Variants in RALGAPA2 observed in about 807,000 individuals in gnomAD.
RALGAPA2 encodes ral GTPase-activating protein subunit alpha-2.
A neutral mutation model predicts 230.4 loss-of-function variants in RALGAPA2; 139 were observed. That is an observed-to-expected ratio of 0.60 (90% CI 0.53 to 0.69). The LOEUF is 0.69. RALGAPA2 is among the 30% of genes least tolerant of loss of function. The pLI is 0.00. For synonymous variants in RALGAPA2, 847 were observed against 837.8 expected (o/e 1.01, Z -0.19); for missense variants, 2,163 against 2,276.0 (o/e 0.95, Z 1.01).
At chr20:20,452,068 T>C (rs548567429) in intron 37 of RALGAPA2, among the ~76,000 whole-genome samples, 10 of 152,360 alleles carry the variant, frequency 6.6e-5, no homozygotes, top group African/African-American at 2.4e-4. Flanking sequence ...TCTGACCGAT[T>C]TTCTAATAAC....
In RALGAPA2 at chr20:20,430,106, A is replaced by G. The variant is rs141670676; in HGVS notation, c.5496-17958T>C. On this transcript the variant is annotated intron_variant, in intron 37 of 39. Transcript: ENST00000202677. ...ACCTGCATCCCCTCATCTGTGAAAGAGGGGTTCAGGGCTGATCTGCAGGAC... is the reference window on the plus strand; with the variant it reads ...ACCTGCATCCCCTCATCTGTGAAAGGGGGGTTCAGGGCTGATCTGCAGGAC... Among the ~76,000 whole-genome samples the G allele has an allele frequency of 7.4e-3, 1,134 of 152,320 alleles. 11 individuals are homozygous for G. The highest frequency in any genetic ancestry group is 0.025 in the African/African-American group (1,053 of 41,560).
intron 17 of RALGAPA2, among the ~76,000 whole-genome samples, chr20:20,590,069 C>T (rs187128146): frequency 6.6e-5 from 10 of 151,388 alleles, no homozygotes; most frequent in South Asian, 2.1e-4. Context: ...CACTGTGCAA[C>T]GGCTAAATTA....
At chr20:20,619,144 T>C in intron 12 of RALGAPA2, 133 bp downstream of exon 12, 2 of 958,916 alleles carry the variant, frequency 2.1e-6, no homozygotes, top group Non-Finnish European at 2.8e-6. Flanking sequence ...ATTAAATTGC[T>C]GTTTATCGTT....
rs570882666 is a variant in RALGAPA2 at position 20,632,641 on chromosome 20, G to A, written c.1005+2777C>T. On this transcript the variant is annotated intron_variant, in intron 9 of 39. Coordinates refer to ENST00000202677, the MANE Select transcript of RALGAPA2 (RefSeq NM_020343.4). ...GTGATGTAAATTTGCCAAAGAGCATGACTGAGTTTCCTACACATAATTTCA... is the reference window on the plus strand; with the variant it reads ...GTGATGTAAATTTGCCAAAGAGCATAACTGAGTTTCCTACACATAATTTCA... Among the ~76,000 whole-genome samples the A allele has an allele frequency of 1.2e-4, 19 of 152,334 alleles. No homozygotes were observed. The South Asian group carries it at 3.3e-3, about 27-fold the overall frequency.
At chr20:20,642,442 C>T (rs1160040281) in intron 5 of RALGAPA2, among the ~76,000 whole-genome samples, 3 of 152,134 alleles carry the variant, frequency 2.0e-5, no homozygotes, top group Non-Finnish European at 4.4e-5. Context: ...AACTCCTGAC[C>T]TCAGGCAATT....
In RALGAPA2 at chr20:20,498,264, C is replaced by T. The variant is rs149038635; in HGVS notation, c.5209-2989G>A. Reference sequence around the variant, plus strand: ...GATGAGTCTCCTTCTGGAATGGAGCCGGTGTTTATGTTAGCTACTCCTTCA... The same window carrying T: ...GATGAGTCTCCTTCTGGAATGGAGCTGGTGTTTATGTTAGCTACTCCTTCA... On this transcript the variant is annotated intron_variant, in intron 35 of 39. Transcript: ENST00000202677. 2.8e-4 allele frequency among the ~76,000 whole-genome samples: 42 copies of T among 152,258 alleles called. No homozygotes were observed. The South Asian group carries it at 4.4e-3, about 16-fold the overall frequency.
intron 1 of RALGAPA2, among the ~76,000 whole-genome samples, chr20:20,694,300 G>C (rs887829250): frequency 1.3e-5 from 2 of 152,146 alleles, no homozygotes; most frequent in Non-Finnish European, 2.9e-5. Flanking sequence ...AAGTTGGTTT[G>C]TTTAAAAAGT....
In RALGAPA2 at chr20:20,439,101, C is replaced by T. The variant is rs2060677986; in HGVS notation, c.5496-26953G>A. ...TGGAAACGGAGACTAGGAGACGTGA[C>T]CTGGCTTGGCTCAAGTCACTCTCCC... On this transcript the variant is annotated intron_variant, in intron 37 of 39. Transcript: ENST00000202677. 2.0e-5 allele frequency among the ~76,000 whole-genome samples: 3 copies of T among 152,180 alleles called. No individual in the cohort carries two copies. In the South Asian group the frequency reaches 6.2e-4, roughly 32 times the overall value.
At chr20:20,469,884 G>A (rs1385972591) in intron 37 of RALGAPA2, among the ~76,000 whole-genome samples, 2 of 152,132 alleles carry the variant, frequency 1.3e-5, no homozygotes, top group African/African-American at 2.4e-5. Context: ...TGGCAGGTGA[G>A]TTGGCCCTCA....
At chr20:20,466,296 G>A (rs1424913271) in intron 37 of RALGAPA2, among the ~76,000 whole-genome samples, 1 of 152,238 alleles carries the variant, frequency 6.6e-6, no homozygotes, top group African/African-American at 2.4e-5. Flanking sequence ...TCAATTTTTA[G>A]TTTAGTTTTT....
intron 8 of RALGAPA2, among the ~76,000 whole-genome samples, chr20:20,636,667 T>G (rs2066872125): frequency 6.6e-6 from 1 of 152,152 alleles, no homozygotes; most frequent in African/African-American, 2.4e-5. Context: ...GTGTCACCAC[T>G]TCCCCTCCAA....
intron 16 of RALGAPA2, among the ~76,000 whole-genome samples, chr20:20,598,359 T>C (rs2065526884): frequency 6.6e-6 from 1 of 152,196 alleles, no homozygotes; most frequent in African/African-American, 2.4e-5. Flanking sequence ...ATCCCCTTAC[T>C]TTCTATGGGC....
rs1456922267 is a variant in RALGAPA2, at chr20:20,391,160, C to G, written c.*2129G>C. ...AGAGACCTACAGGGGACTCTGGAGC[C>G]TAGGAGCATGCGATGGCCTTCCCAA... On this transcript the variant is annotated 3_prime_UTR_variant, in exon 40 of 40. Transcript: ENST00000202677. 6.6e-6 allele frequency: 1 copy of G among 152,220 alleles called. No homozygotes were observed. Among genetic ancestry groups the G allele is most frequent in the African/African-American group, 2.4e-5 (1 of 41,456 alleles). The allele number at this position is 152,220 out of a possible 1,614,324, so 9.4% of individuals were successfully genotyped here.
intron 10 of RALGAPA2, among the ~76,000 whole-genome samples, chr20:20,626,727 A>C (rs2066498951): frequency 2.0e-5 from 3 of 152,230 alleles, no homozygotes; most frequent in Admixed American, 2.0e-4. Flanking sequence ...AAGCATTTAA[A>C]AATGTTACTA....
chr20:20,646,071 T>C (rs1248951093), intron 4 of RALGAPA2, among the ~76,000 whole-genome samples: 1 of 152,038 alleles, frequency 6.6e-6, no homozygotes, highest in Non-Finnish European at 1.5e-5. Context: ...TTTTTTCTTT[T>C]TGAGATGGGG....
chr20:20,472,708 G>T, intron 37 of RALGAPA2, 121 bp downstream of exon 37: 3 of 1,053,136 alleles, frequency 2.8e-6, no homozygotes, highest in Non-Finnish European at 3.9e-6. Context: ...TTTTAACAGA[G>T]GTTGAAAAAA....
At position 20,620,867 on chromosome 20, in the gene RALGAPA2, G is replaced by A. The variant is rs150271240; in HGVS notation, c.1234-237C>T. Among the ~76,000 whole-genome samples, 1,110 of 152,310 alleles carry A rather than the reference G, an allele frequency of 7.3e-3. 5 individuals are homozygous for A. The highest frequency in any genetic ancestry group is 0.014 in the Admixed American group (215 of 15,300). On this transcript the variant is annotated intron_variant, in intron 10 of 39. Transcript: ENST00000202677. ...GTTAAAAATAACTTTTATAGGCCGGGCGCAGTGGCTCACGCCTGTAATCCT... is the reference window on the plus strand; with the variant it reads ...GTTAAAAATAACTTTTATAGGCCGGACGCAGTGGCTCACGCCTGTAATCCT...
intron 14 of RALGAPA2, among the ~76,000 whole-genome samples, chr20:20,606,389 CT>C (rs1444566295): frequency 6.6e-6 from 1 of 152,182 alleles, no homozygotes; most frequent in African/African-American, 2.4e-5. Context: ...ATCTATCTAC[CT>C]AGGTACTAGA....
intron 1 of RALGAPA2, 91 bp from the exon 2 acceptor site, chr20:20,680,892 A>G: frequency 1.3e-6 from 2 of 1,489,346 alleles, no homozygotes; most frequent in Non-Finnish European, 1.8e-6. Flanking sequence ...GGCAAGTACA[A>G]CTAGTTTCAT....
Sources: allele counts gnomAD v4.1 joint callset (sites outside exome capture counted in the v4.1 genomes callset), GRCh38; gene constraint gnomAD v4.1.1; transcripts MANE v1.5; gene names NCBI Gene and HGNC (gene_info 2026-07-23, HGNC 2026-07-21).